Variants in LRRC56 observed in about 807,000 individuals in gnomAD.
The protein encoded by LRRC56 is leucine-rich repeat-containing protein 56.
LRRC56 carries 41 observed loss-of-function variants against 47.8 expected under a neutral mutation model. That is an observed-to-expected ratio of 0.86 (90% CI 0.67 to 1.11). The LOEUF (loss-of-function observed/expected upper bound fraction) is 1.11. LRRC56 is among the 50% of genes most tolerant of loss of function. The probability of loss-of-function intolerance (pLI) is 0.00; values close to 1 mark genes in which losing one functional copy is unlikely to be tolerated. For synonymous variants in LRRC56, 387 were observed against 311.2 expected, an observed-to-expected ratio of 1.24 and a Z score of -2.56; for missense variants, 759 against 704.2, an observed-to-expected ratio of 1.08 and a Z score of -0.88.
chr11:532,712 T>A, upstream of LRRC56: 1 of 1,613,228 alleles, frequency 6.2e-7, no homozygotes, highest in Non-Finnish European at 8.5e-7. Context: ...CAGCTTGTGC[T>A]GCCGGATCTC....
chr11:513,352 A>G, the LRRC56 span, among the ~76,000 whole-genome samples: 1 of 152,034 alleles, frequency 6.6e-6, no homozygotes, highest in African/African-American at 2.4e-5. Context: ...GGGTTTCACC[A>G]TGTTGGCGAG....
upstream of LRRC56, chr11:532,833 C>T (rs959690532): frequency 6.9e-7 from 1 of 1,457,000 alleles, no homozygotes; most frequent in East Asian, 2.3e-5. Flanking sequence ...GCTGTGGGAT[C>T]AAGCCTTGCC....
At chr11:553,919 C>T (rs953312702) in intron 13 of LRRC56, 44 bp from the exon 14 acceptor site, 3 of 1,578,624 alleles carry the variant, frequency 1.9e-6, no homozygotes, top group African/African-American at 1.3e-5. Flanking sequence ...GACTCCCTTC[C>T]CTGACAGCCT....
intron 3 of LRRC56, 92 bp from the exon 4 acceptor site, chr11:540,582 G>T: frequency 9.0e-7 from 1 of 1,109,582 alleles, no homozygotes; most frequent in South Asian, 1.4e-5. Context: ...TGTGACGGGG[G>T]CGGGGGGTTG....
chr11:535,335 C>T (rs1261633670), upstream of LRRC56: 3 of 146,572 alleles, frequency 2.0e-5, no homozygotes, highest in Non-Finnish European at 3.0e-5. Context: ...CGGCCCCGCG[C>T]CCCCGGCCCG....
chr11:524,809 C>A, the LRRC56 span, among the ~76,000 whole-genome samples: 1 of 151,994 alleles, frequency 6.6e-6, no homozygotes, highest in Non-Finnish European at 1.5e-5. Flanking sequence ...AATATAAAAA[C>A]TGGTGGGGCA....
At chr11:507,931 C>A in the LRRC56 span, among the ~76,000 whole-genome samples, 35 of 152,254 alleles carry the variant, frequency 2.3e-4, no homozygotes, top group Admixed American at 1.6e-3. Context: ...ACTCTGCTGC[C>A]GACACCCGAG....
At position 553,926 on chromosome 11, in the gene LRRC56, G is replaced by A. The variant is rs759306299; in HGVS notation, c.1316-37G>A. 17 of 1,589,930 alleles carry A rather than the reference G, an allele frequency of 1.1e-5. No individual in the cohort carries two copies. In the East Asian group the frequency reaches 1.3e-4, roughly 13 times the overall value. ...CACCGGGTGACTCCCTTCCCTGACA[G>A]CCTTTCTGACGTCCCATCACTCTGC... is the stretch of plus-strand genomic sequence containing the variant. On this transcript the variant is annotated intron_variant, in intron 13 of 13. Transcript: ENST00000270115.
At chr11:514,896 A>C in the LRRC56 span, among the ~76,000 whole-genome samples, 1 of 152,120 alleles carries the variant, frequency 6.6e-6, no homozygotes, top group African/African-American at 2.4e-5. Context: ...ACGCAGCTAG[A>C]TGGTTTTCTC....
chr11:509,582 C>G, the LRRC56 span, among the ~76,000 whole-genome samples: 8 of 152,108 alleles, frequency 5.3e-5, no homozygotes, highest in Non-Finnish European at 8.8e-5. Flanking sequence ...GAGTCTCGCT[C>G]TGTCGCCCAG....
the LRRC56 span, among the ~76,000 whole-genome samples, chr11:515,592 C>CT: frequency 6.6e-6 from 1 of 152,208 alleles, no homozygotes; most frequent in Non-Finnish European, 1.5e-5. Flanking sequence ...AATCCTGGCA[C>CT]TTTGAGAGGC....
At chr11:540,309 G>A (rs1052071772) in intron 3 of LRRC56, among the ~76,000 whole-genome samples, 7 of 152,166 alleles carry the variant, frequency 4.6e-5, no homozygotes, top group Admixed American at 2.6e-4. Flanking sequence ...CACAGCCACC[G>A]GCAGCTGGCC....
At chr11:509,565 T>C in the LRRC56 span, among the ~76,000 whole-genome samples, 2 of 152,106 alleles carry the variant, frequency 1.3e-5, no homozygotes, top group East Asian at 1.9e-4. Flanking sequence ...TTTATTTTAT[T>C]GAGATGGAGT....
chr11:533,743 C>A (rs375166344), upstream of LRRC56: 9 of 1,612,980 alleles, frequency 5.6e-6, no homozygotes, highest in Non-Finnish European at 7.6e-6. Context: ...CGTGGGCTCC[C>A]GGGCCAGCCT....
At chr11:527,861 C>T in the LRRC56 span, among the ~76,000 whole-genome samples, 6 of 152,124 alleles carry the variant, frequency 3.9e-5, no homozygotes, top group African/African-American at 9.7e-5. Flanking sequence ...CCACCACACC[C>T]GGCTAATTTT....
In LRRC56 at chr11:541,777, A is replaced by G. The variant is rs1176041643; in HGVS notation, c.265+153A>G. Among the ~76,000 whole-genome samples the G allele has an allele frequency of 6.6e-6, 1 of 151,986 alleles. No individual in the cohort carries two copies. The highest frequency in any genetic ancestry group is 1.5e-5 in the Non-Finnish European group (1 of 67,966). ...TGGCCTCTGACCTGAGGTCTGTGTCAGGTACAGGCAGAGGGCAATGCACTC... is the reference window on the plus strand; with the variant it reads ...TGGCCTCTGACCTGAGGTCTGTGTCGGGTACAGGCAGAGGGCAATGCACTC... On this transcript the variant is annotated intron_variant, in intron 5 of 13. Transcript: ENST00000270115. The surrounding 1 kb of genome is among the most constrained non-coding windows in gnomAD (Gnocchi z 4.1).
the LRRC56 span, among the ~76,000 whole-genome samples, chr11:526,445 G>A: frequency 6.6e-6 from 1 of 152,106 alleles, no homozygotes; most frequent in Non-Finnish European, 1.5e-5. Flanking sequence ...GGACAGTCAG[G>A]TGCAGAGTCA....
the LRRC56 span, among the ~76,000 whole-genome samples, chr11:512,306 G>C: frequency 1.3e-5 from 2 of 152,026 alleles, no homozygotes; most frequent in African/African-American, 4.8e-5. Flanking sequence ...CATGATCTCA[G>C]CTCACTGCAA....
In LRRC56 at chr11:541,743, C is replaced by T. The variant is rs534801426; in HGVS notation, c.265+119C>T. 16 of 635,562 alleles carry T rather than the reference C, an allele frequency of 2.5e-5. No individual in the cohort carries two copies. The Admixed American group carries it at 4.3e-4, about 17-fold the overall frequency. The allele number at this position is 635,562 out of a possible 1,614,324, so 39.4% of individuals were successfully genotyped here. On this transcript the variant is annotated intron_variant, in intron 5 of 13. Coordinates refer to ENST00000270115, the MANE Select transcript of LRRC56 (RefSeq NM_198075.4). The surrounding 1 kb of genome is among the most constrained non-coding windows in gnomAD (Gnocchi z 4.1). ...CACCTCTCGGGCCGCGTATCGGCTT[C>T]CTTAGGGTTGGCCTCTGACCTGAGG...
Sources: allele counts gnomAD v4.1 joint callset (sites outside exome capture counted in the v4.1 genomes callset), GRCh38; gene constraint gnomAD v4.1.1; non-coding constraint Gnocchi (gnomAD v3.1); transcripts MANE v1.5; gene names NCBI Gene and HGNC (gene_info 2026-07-23, HGNC 2026-07-21).